FREM1: variants seen among roughly 807,000 people sequenced by gnomAD.
FREM1 encodes the protein FRAS1 related extracellular matrix 1.
In FREM1, 220 loss-of-function variants were observed where a neutral mutation model predicts 210.1. The ratio of observed to expected loss-of-function variants is 1.05; its 90% CI spans 0.94 to 1.17. FREM1 has a LOEUF of 1.17. Among genes scored for constraint, FREM1 ranks in the 50% most tolerant of loss-of-function variants. The pLI, the probability that FREM1 is intolerant of heterozygous loss-of-function variation, is 0.00. For missense variants in FREM1, 3,454 were observed against 2,675.5 expected (o/e 1.29, Z -6.42); for synonymous variants, 1,189 against 980.2 (o/e 1.21, Z -3.98).
rs867028362 is a variant in FREM1, at chr9:14,828,644, G to A, written c.1882-3652C>T. 1.3e-4 allele frequency among the ~76,000 whole-genome samples: 8 copies of A among 61,150 alleles called. 1 individual carries two copies. Among genetic ancestry groups the A allele is most frequent in the Non-Finnish European group, 3.3e-4 (8 of 23,918 alleles). The allele number at this position is 61,150 out of a possible 152,430, so 40.1% of individuals were successfully genotyped here. A position where few individuals can be genotyped will look rare whatever the true frequency, so the allele number is the denominator to read the frequency against. On this transcript the variant is annotated intron_variant, in intron 10 of 36. Coordinates refer to ENST00000380880, the MANE Select transcript of FREM1 (RefSeq NM_001379081.2). ...AGAAGAACATAAATTGTGGCGGGGCGGGGGAGGTGCCGGGGTAGAATGTTA... is the reference window on the plus strand; with the variant it reads ...AGAAGAACATAAATTGTGGCGGGGCAGGGGAGGTGCCGGGGTAGAATGTTA...
At chr9:14,887,171 A>G (rs1835962992) in intron 1 of FREM1, among the ~76,000 whole-genome samples, 2 of 152,204 alleles carry the variant, frequency 1.3e-5, no homozygotes, top group Admixed American at 1.3e-4. Flanking sequence ...AACTTAGAGA[A>G]AGTGGTTCTC....
chr9:14,905,708 GC>G (rs1316298416), intron 1 of FREM1, among the ~76,000 whole-genome samples: 1 of 152,130 alleles, frequency 6.6e-6, no homozygotes, highest in Non-Finnish European at 1.5e-5. Flanking sequence ...GGCCAACATG[GC>G]AAAACCCTGT....
rs770077384 is a variant in FREM1, at chr9:14,746,965, C to G, written c.6096G>C (p.Gln2032His). The G allele has an allele frequency of 6.2e-7, 1 of 1,613,386 alleles. No individual in the cohort carries two copies. The highest frequency in any genetic ancestry group is 8.5e-7 in the Non-Finnish European group (1 of 1,179,668). Residue 2032 changes from glutamine to histidine, a missense_variant, in exon 34 of 37, where the codon CAG becomes CAC. Gln to His is a conservative substitution (Grantham distance 24). Transcript: ENST00000380880. ...AGGCTTTCCAGGCGATCCCATTGCACTGATACAGCTTCTGGATGCCTTCTT... is the reference window on the plus strand; with the variant it reads ...AGGCTTTCCAGGCGATCCCATTGCAGTGATACAGCTTCTGGATGCCTTCTT... ...HFEEGIQKLY[Q>H]CNGIAWKAWS...
chr9:14,786,851 C>T (rs781578051), intron 23 of FREM1, among the ~76,000 whole-genome samples: 28 of 152,260 alleles, frequency 1.8e-4, no homozygotes, highest in Non-Finnish European at 3.2e-4. Flanking sequence ...AAGATGAATA[C>T]ATCAAGGAAG....
chr9:14,821,647 G>A (rs148629354), intron 13 of FREM1, among the ~76,000 whole-genome samples: 148 of 152,282 alleles, frequency 9.7e-4, no homozygotes, highest in Non-Finnish European at 1.8e-3. Flanking sequence ...AAAATCCTCC[G>A]TGTGAGCCCT....
chr9:14,829,016 T>A lies in FREM1; in HGVS notation c.1882-4024A>T, dbSNP rs145603329. On this transcript the variant is annotated intron_variant, in intron 10 of 36. Coordinates refer to ENST00000380880, the MANE Select transcript of FREM1 (RefSeq NM_001379081.2). Reference sequence around the variant, plus strand: ...ATAATACAACCTCACAGAGCTGTTATAAGGATCAAATATTACTATGTAGGT... The same window carrying A: ...ATAATACAACCTCACAGAGCTGTTAAAAGGATCAAATATTACTATGTAGGT... 1.3e-3 allele frequency among the ~76,000 whole-genome samples: 200 copies of A among 152,358 alleles called. 1 individual carries two copies. The highest frequency in any genetic ancestry group is 4.4e-3 in the African/African-American group (183 of 41,576).
intron 6 of FREM1, among the ~76,000 whole-genome samples, chr9:14,849,236 G>GAT (rs1286631555): frequency 6.6e-6 from 1 of 152,090 alleles, no homozygotes; most frequent in Non-Finnish European, 1.5e-5. Flanking sequence ...TAGAGGCCAG[G>GAT]ATACTAACAT....
At position 14,861,106 on chromosome 9, in the gene FREM1, TAC is replaced by T. The variant is rs1220394712; in HGVS notation, c.330-1624_330-1623del. ...ATATACACATATATATAAACATATATACACATATATATACATATATACACATA... is the reference window on the plus strand; with the variant it reads ...ATATACACATATATATAAACATATATACATATATATACATATATACACATA... On this transcript the variant is annotated intron_variant, in intron 3 of 36. Transcript: ENST00000380880. Among the ~76,000 whole-genome samples, 97 of 105,970 alleles carry T rather than the reference TAC, an allele frequency of 9.2e-4. 4 individuals carry two copies. The highest frequency in any genetic ancestry group is 0.014 in the Middle Eastern group (2 of 148). 69.5% of individuals were successfully genotyped at this position (105,970 alleles called of 152,430 possible). A position where few individuals can be genotyped will look rare whatever the true frequency, so the allele number is the denominator to read the frequency against.
chr9:14,739,007 C>G lies in FREM1; in HGVS notation c.6340+1142G>C, dbSNP rs532562781. On this transcript the variant is annotated intron_variant, in intron 36 of 36. Transcript: ENST00000380880. ...CCTGGGTGACACAGTGAGATTCTGT[C>G]TCAAAAAAAAAAAAAAAAAAAAGAT... Among the ~76,000 whole-genome samples, 78 of 20,956 alleles carry G rather than the reference C, an allele frequency of 3.7e-3. 1 individual carries two copies. Among genetic ancestry groups the G allele is most frequent in the Admixed American group, 0.02 (23 of 1,162 alleles). 13.7% of individuals were successfully genotyped at this position (20,956 alleles called of 152,430 possible). A position where few individuals can be genotyped will look rare whatever the true frequency, so the allele number is the denominator to read the frequency against.
intron 16 of FREM1, among the ~76,000 whole-genome samples, chr9:14,808,510 AC>A (rs1409769463): frequency 6.6e-6 from 1 of 152,128 alleles, no homozygotes; most frequent in African/African-American, 2.4e-5. Flanking sequence ...GGAGAAGGCA[AC>A]CTTTTCCCTT....
intron 1 of FREM1, among the ~76,000 whole-genome samples, chr9:14,903,210 G>A (rs1306975033): frequency 3.3e-5 from 5 of 152,188 alleles, no homozygotes; most frequent in Non-Finnish European, 7.3e-5. Context: ...GTGAAAGTAG[G>A]TAGCAGAGGC....
At chr9:14,870,220 A>G (rs61576366) in intron 1 of FREM1, among the ~76,000 whole-genome samples, 11,429 of 152,254 alleles carry the variant, frequency 0.075, 1,368 homozygotes, top group African/African-American at 0.25. Flanking sequence ...TAGAAGAACA[A>G]ATGCCTCCAT....
At chr9:14,833,771 G>A (rs1824015515) in intron 10 of FREM1, among the ~76,000 whole-genome samples, 4 of 152,140 alleles carry the variant, frequency 2.6e-5, no homozygotes, top group Admixed American at 2.6e-4. Flanking sequence ...TTTTTTGGAT[G>A]TTGTTTTTCT....
chr9:14,823,783 A>G (rs1444525599), intron 12 of FREM1, among the ~76,000 whole-genome samples: 1 of 152,210 alleles, frequency 6.6e-6, no homozygotes, highest in Non-Finnish European at 1.5e-5. Context: ...CTGATGGCAA[A>G]ACAATACAAA....
rs762296872 is a variant in FREM1, at chr9:14,774,121, A to AT, written c.4857+1667dup. The AT allele has an allele frequency of 1.5e-5, 8 of 518,860 alleles. No homozygotes were observed. The Admixed American group carries it at 1.6e-4, about 10-fold the overall frequency. The allele number at this position is 518,860 out of a possible 1,614,324, so 32.1% of individuals were successfully genotyped here. On this transcript the variant is annotated intron_variant, in intron 25 of 36. Coordinates refer to ENST00000380880, the MANE Select transcript of FREM1 (RefSeq NM_001379081.2). ...TCCCAGTGCATTATCATTTCTTTGC[A>AT]TTTTTTGGACCTCCTGACTGCCAAG...
intron 21 of FREM1, among the ~76,000 whole-genome samples, chr9:14,794,622 C>G (rs1852006258): frequency 6.6e-6 from 1 of 152,216 alleles, no homozygotes; most frequent in South Asian, 2.1e-4. Context: ...GTGTTACATG[C>G]TCTCAAAGAG....
intron 3 of FREM1, among the ~76,000 whole-genome samples, chr9:14,860,652 TACACATATATACATATATAC>T (rs1829761140): frequency 7.1e-6 from 1 of 141,536 alleles, no homozygotes; most frequent in East Asian, 2.0e-4. Flanking sequence ...TATACATATA[TACACATATATACATATATAC>T]ACACATATAT....
intron 21 of FREM1, 24 bp downstream of exon 21, chr9:14,797,474 A>T: frequency 1.9e-6 from 3 of 1,582,782 alleles, no homozygotes; most frequent in Non-Finnish European, 2.6e-6. Flanking sequence ...GAAATCTGAA[A>T]GGGACTCTTT....
At chr9:14,804,210 G>T (rs1817911513) in intron 19 of FREM1, among the ~76,000 whole-genome samples, 1 of 152,136 alleles carries the variant, frequency 6.6e-6, no homozygotes, top group Admixed American at 6.5e-5. Flanking sequence ...ATTATGCGAA[G>T]CTTAAAGTCT....
Sources: allele counts gnomAD v4.1 joint callset (sites outside exome capture counted in the v4.1 genomes callset), GRCh38; gene constraint gnomAD v4.1.1; transcripts MANE v1.5; gene names NCBI Gene and HGNC (gene_info 2026-07-23, HGNC 2026-07-21).